Variants in NRG3 observed in about 807,000 individuals in gnomAD.
NRG3 encodes pro-neuregulin-3, membrane-bound isoform.
NRG3 carries 31 observed loss-of-function variants against 66.9 expected under a neutral mutation model. That is an observed-to-expected ratio of 0.46 (90% CI 0.35 to 0.63). The LOEUF is 0.63. Ranked by LOEUF, NRG3 falls within the 20% of genes least tolerant of loss-of-function variation. The pLI is 0.00. For missense variants in NRG3, 910 were observed against 878.9 expected (o/e 1.04, Z -0.45); for synonymous variants, 393 against 359.4 (o/e 1.09, Z -1.06).
intron 1 of NRG3, among the ~76,000 whole-genome samples, chr10:82,140,901 C>A (rs2069726796): frequency 6.6e-6 from 1 of 152,022 alleles, no homozygotes; most frequent in South Asian, 2.1e-4. Flanking sequence ...ATAGTGTTAG[C>A]CTTACCTAGC....
intron 1 of NRG3, among the ~76,000 whole-genome samples, chr10:82,252,588 C>T (rs921236033): frequency 6.6e-6 from 1 of 152,064 alleles, no homozygotes; most frequent in African/African-American, 2.4e-5. Context: ...CAGTATTGCT[C>T]CTAATGATAC....
In NRG3 at chr10:82,199,172, GA is replaced by G. The variant is rs754643270; in HGVS notation, c.824-159553del. Among the ~76,000 whole-genome samples the G allele has an allele frequency of 1.9e-3, 205 of 106,512 alleles. 1 individual carries two copies. Among genetic ancestry groups the G allele is most frequent in the Middle Eastern group, 6.8e-3 (1 of 146 alleles). 69.9% of individuals were successfully genotyped at this position (106,512 alleles called of 152,430 possible). On this transcript the variant is annotated intron_variant, in intron 1 of 8. Transcript: ENST00000372141. ...GGGTGACAGAGTGAGACTCTGTCCGGAAAAAAAAAAAAAAGAAAAGAAAAAA... is the reference window on the plus strand; with the variant it reads ...GGGTGACAGAGTGAGACTCTGTCCGGAAAAAAAAAAAAAGAAAAGAAAAAA...
intron 1 of NRG3, among the ~76,000 whole-genome samples, chr10:82,150,530 C>CAAAAAAAAAAAA (rs1188955647): frequency 3.7e-5 from 1 of 26,674 alleles, no homozygotes; most frequent in Non-Finnish European, 7.5e-5. Flanking sequence ...AGAGCACACA[C>CAAAAAAAAAAAA]AAAAAAAAAA....
intron 2 of NRG3, among the ~76,000 whole-genome samples, chr10:82,464,959 CTT>C (rs138070040): frequency 0.013 from 1,996 of 152,284 alleles, 39 homozygotes; most frequent in South Asian, 0.086. Context: ...AGGCTTCTGA[CTT>C]ATGGTCATAG....
chr10:82,035,293 G>A (rs1419594643), intron 1 of NRG3, among the ~76,000 whole-genome samples: 2 of 152,054 alleles, frequency 1.3e-5, no homozygotes, highest in East Asian at 3.9e-4. Context: ...ACGAAAACAT[G>A]GATTTATTTT....
chr10:81,982,533 C>G (rs1466769687), intron 1 of NRG3, among the ~76,000 whole-genome samples: 2 of 152,126 alleles, frequency 1.3e-5, no homozygotes, highest in Admixed American at 6.6e-5. Flanking sequence ...AACAAAATAC[C>G]ACAGACAACA....
chr10:82,764,832 C>CTG (rs144539744), intron 3 of NRG3, among the ~76,000 whole-genome samples: 1 of 151,694 alleles, frequency 6.6e-6, no homozygotes, highest in Non-Finnish European at 1.5e-5. Flanking sequence ...ATGTTTTGGG[C>CTG]TGTGTGTGTG....
At chr10:82,344,169 C>T (rs1232171394) in intron 1 of NRG3, among the ~76,000 whole-genome samples, 2 of 149,540 alleles carry the variant, frequency 1.3e-5, no homozygotes, top group African/African-American at 5.1e-5. Context: ...CCCACTAACT[C>T]GTCATGTAGC....
chr10:82,342,930 G>C (rs2082760359), intron 1 of NRG3, among the ~76,000 whole-genome samples: 1 of 151,942 alleles, frequency 6.6e-6, no homozygotes, highest in Non-Finnish European at 1.5e-5. Context: ...ATTTCATCTT[G>C]AGTTAATTTT....
chr10:82,253,766 A>G (rs1232954589), intron 1 of NRG3, among the ~76,000 whole-genome samples: 1 of 152,208 alleles, frequency 6.6e-6, no homozygotes, highest in African/African-American at 2.4e-5. Context: ...ATAAGATAAA[A>G]TAAAAATTCT....
chr10:81,924,127 TCA>T (rs1363527908), intron 1 of NRG3, among the ~76,000 whole-genome samples: 1 of 152,152 alleles, frequency 6.6e-6, no homozygotes, highest in Non-Finnish European at 1.5e-5. Flanking sequence ...ATGTTGTCAT[TCA>T]CAGTTTGTGG....
chr10:82,767,125 A>G (rs1325859576), intron 3 of NRG3, among the ~76,000 whole-genome samples: 1 of 151,680 alleles, frequency 6.6e-6, no homozygotes, highest in Non-Finnish European at 1.5e-5. Flanking sequence ...TCCTTTCAGT[A>G]TAGCTTCTTG....
At chr10:82,240,369 A>G (rs1332531666) in intron 1 of NRG3, among the ~76,000 whole-genome samples, 1 of 151,610 alleles carries the variant, frequency 6.6e-6, no homozygotes, top group South Asian at 2.1e-4. Flanking sequence ...TGTAGATTTC[A>G]GATACATATA....
intron 2 of NRG3, among the ~76,000 whole-genome samples, chr10:82,479,401 A>G (rs532812027): frequency 2.6e-5 from 4 of 151,964 alleles, no homozygotes; most frequent in Admixed American, 2.6e-4. Flanking sequence ...TAGTCTTGGC[A>G]CATAGTAAAA....
At chr10:82,861,687 C>G (rs1355380423) in intron 3 of NRG3, among the ~76,000 whole-genome samples, 1 of 152,180 alleles carries the variant, frequency 6.6e-6, no homozygotes, top group Non-Finnish European at 1.5e-5. Context: ...AAACAGATGA[C>G]AGGCAGCCAA....
At chr10:81,888,014 A>G (rs1045973323) in intron 1 of NRG3, among the ~76,000 whole-genome samples, 1 of 152,192 alleles carries the variant, frequency 6.6e-6, no homozygotes, top group African/African-American at 2.4e-5. Flanking sequence ...AGAAAACTTC[A>G]GGAACATTCC....
chr10:82,977,334 C>A (rs1293691937), intron 7 of NRG3, among the ~76,000 whole-genome samples: 1 of 152,110 alleles, frequency 6.6e-6, no homozygotes, highest in Non-Finnish European at 1.5e-5. Context: ...AGGGGCTAGG[C>A]ACAGTGGCTC....
intron 5 of NRG3, among the ~76,000 whole-genome samples, chr10:82,953,316 TAAA>T (rs1849709672): frequency 6.6e-6 from 1 of 152,050 alleles, no homozygotes; most frequent in Non-Finnish European, 1.5e-5. Context: ...TTCAAAGTCA[TAAA>T]GAAGAAAATG....
intron 3 of NRG3, among the ~76,000 whole-genome samples, chr10:82,787,042 CTGT>C (rs2060397594): frequency 2.0e-5 from 3 of 152,306 alleles, no homozygotes; most frequent in African/African-American, 7.2e-5. Context: ...CTCAAATTTT[CTGT>C]TATTATCAGC....
Sources: gnomAD v4.1 joint callset for allele counts (sites outside exome capture counted in the v4.1 genomes callset) on GRCh38, gnomAD v4.1.1 for gene constraint, MANE v1.5 for transcripts, NCBI Gene and HGNC (gene_info 2026-07-23, HGNC 2026-07-21) for gene names.